APBA1: variants seen among roughly 807,000 people sequenced by gnomAD.
The protein encoded by APBA1 is amyloid beta precursor protein binding family A member 1.
In APBA1, 55 loss-of-function variants were observed where a neutral mutation model predicts 86.6. That is an observed-to-expected ratio of 0.64 (90% CI 0.51 to 0.80). The LOEUF is 0.80. APBA1 is among the 30% of genes least tolerant of loss of function. The pLI, the probability that APBA1 is intolerant of heterozygous loss-of-function variation, is 0.00. For synonymous variants in APBA1, 511 were observed against 493.9 expected, an observed-to-expected ratio of 1.03 and a Z score of -0.46; for missense variants, 1,090 against 1,183.0, an observed-to-expected ratio of 0.92 and a Z score of 1.15.
Position 69,555,945 on chromosome 9 carries a change from T to C in APBA1, c.-69-38666A>G, listed in dbSNP as rs1380541922. Among the ~76,000 whole-genome samples the C allele has an allele frequency of 2.0e-5, 3 of 152,288 alleles. No individual in the cohort carries two copies. In the East Asian group the frequency reaches 5.8e-4, roughly 29 times the overall value. ...TTATCTGTTAAAGTTTGTTTATGAC[T>C]CAGGTGCCTGTTTTAATCTAAACCT... is the stretch of plus-strand genomic sequence containing the variant. On this transcript the variant is annotated intron_variant, in intron 1 of 12. Coordinates refer to ENST00000265381, the MANE Select transcript of APBA1 (RefSeq NM_001163.4).
intron 4 of APBA1, among the ~76,000 whole-genome samples, chr9:69,469,847 T>G (rs1394380576): frequency 6.6e-6 from 1 of 152,272 alleles, no homozygotes; most frequent in Non-Finnish European, 1.5e-5. Flanking sequence ...CAACCAGATA[T>G]GAAGAAGAAC....
chr9:69,456,694 T>TA (rs200676603), intron 7 of APBA1, among the ~76,000 whole-genome samples: 31 of 146,102 alleles, frequency 2.1e-4, no homozygotes, highest in South Asian at 4.4e-4. Flanking sequence ...TGGAGAAGTT[T>TA]AAAAAAAAAA....
At chr9:69,547,290 A>G (rs770189767) in intron 1 of APBA1, among the ~76,000 whole-genome samples, 4 of 152,172 alleles carry the variant, frequency 2.6e-5, no homozygotes, top group Admixed American at 6.5e-5. Context: ...CCATCCTTAG[A>G]GCTTGACTCC....
At chr9:69,546,902 A>T (rs1164309255) in intron 1 of APBA1, among the ~76,000 whole-genome samples, 4 of 152,240 alleles carry the variant, frequency 2.6e-5, no homozygotes, top group Middle Eastern at 3.2e-3. Context: ...AGTTACTGCA[A>T]TGATAAAATG....
At chr9:69,576,089 C>T (rs1222848419) in intron 1 of APBA1, among the ~76,000 whole-genome samples, 6 of 152,102 alleles carry the variant, frequency 3.9e-5, no homozygotes, top group Non-Finnish European at 8.8e-5. Context: ...TTTATGCAGC[C>T]AAAAGACACA....
intron 1 of APBA1, among the ~76,000 whole-genome samples, chr9:69,618,681 T>C (rs925360191): frequency 4.6e-5 from 7 of 152,200 alleles, no homozygotes; most frequent in African/African-American, 1.4e-4. Flanking sequence ...GGAGCCATCA[T>C]GGCTCAGGCC....
chr9:69,560,291 A>G (rs1564077352), intron 1 of APBA1, among the ~76,000 whole-genome samples: 1 of 151,956 alleles, frequency 6.6e-6, no homozygotes, highest in Non-Finnish European at 1.5e-5. Context: ...CAATTTTTCT[A>G]TTTGAGGTTA....
intron 1 of APBA1, among the ~76,000 whole-genome samples, chr9:69,540,675 C>T (rs886503278): frequency 2.6e-5 from 4 of 152,182 alleles, no homozygotes; most frequent in Admixed American, 6.5e-5. Flanking sequence ...TCATAGCTCA[C>T]TGCAGTATTG....
intron 11 of APBA1, among the ~76,000 whole-genome samples, chr9:69,434,067 C>A (rs116032684): frequency 0.017 from 2,644 of 152,270 alleles, 60 homozygotes; most frequent in African/African-American, 0.059. Flanking sequence ...CTGGCTTCGC[C>A]GGAAGGCCAA....
chr9:69,598,607 C>T (rs2133971475), intron 1 of APBA1, among the ~76,000 whole-genome samples: 1 of 152,216 alleles, frequency 6.6e-6, no homozygotes, highest in African/African-American at 2.4e-5. Flanking sequence ...TAGGTCCCTG[C>T]ATCTTGAACA....
chr9:69,468,100 G>T, intron 4 of APBA1, 132 bp from the exon 5 acceptor site: 1 of 1,040,076 alleles, frequency 9.6e-7, no homozygotes, highest in South Asian at 1.5e-5. Flanking sequence ...CTGGTCTGAG[G>T]CATCTCTCTG....
At chr9:69,555,314 T>C (rs935190722) in intron 1 of APBA1, among the ~76,000 whole-genome samples, 2 of 152,196 alleles carry the variant, frequency 1.3e-5, no homozygotes, top group African/African-American at 4.8e-5. Context: ...TGGTGCTAGA[T>C]ACCACACACC....
intron 2 of APBA1, among the ~76,000 whole-genome samples, chr9:69,511,647 A>G (rs1361786718): frequency 6.6e-6 from 1 of 152,036 alleles, no homozygotes; most frequent in East Asian, 1.9e-4. Flanking sequence ...GGCATTATTC[A>G]CAATAGCAAA....
intron 1 of APBA1, among the ~76,000 whole-genome samples, chr9:69,596,580 T>C (rs753110735): frequency 8.5e-5 from 13 of 152,302 alleles, no homozygotes; most frequent in Non-Finnish European, 1.8e-4. Flanking sequence ...ATCACACCCA[T>C]GTTCCGAGCA....
intron 2 of APBA1, among the ~76,000 whole-genome samples, chr9:69,512,283 T>G (rs1269573857): frequency 1.3e-5 from 2 of 152,136 alleles, no homozygotes; most frequent in Non-Finnish European, 1.5e-5. Flanking sequence ...GAGAGAGTGT[T>G]CAGTAAACTC....
intron 1 of APBA1, among the ~76,000 whole-genome samples, chr9:69,612,527 A>G (rs1224799879): frequency 2.0e-5 from 3 of 152,056 alleles, no homozygotes; most frequent in Non-Finnish European, 4.4e-5. Flanking sequence ...TGGGTGTATT[A>G]AACATAAAAA....
intron 1 of APBA1, among the ~76,000 whole-genome samples, chr9:69,633,789 T>C (rs1823098414): frequency 6.6e-6 from 1 of 152,164 alleles, no homozygotes; most frequent in African/African-American, 2.4e-5. Context: ...TTCTCCCTGT[T>C]AGCAACCAAG....
chr9:69,592,607 TAAAG>T (rs570364912), intron 1 of APBA1, among the ~76,000 whole-genome samples: 128 of 152,184 alleles, frequency 8.4e-4, no homozygotes, highest in African/African-American at 2.9e-3. Flanking sequence ...TAAAAATAAA[TAAAG>T]AAATAAATAG....
At chr9:69,576,202 G>C (rs1208878860) in intron 1 of APBA1, among the ~76,000 whole-genome samples, 1 of 152,184 alleles carries the variant, frequency 6.6e-6, no homozygotes, top group East Asian at 1.9e-4. Context: ...AAAATGTCAG[G>C]AAACAATAGG....
Sources: gnomAD v4.1 joint callset for allele counts (sites outside exome capture counted in the v4.1 genomes callset) on GRCh38, gnomAD v4.1.1 for gene constraint, MANE v1.5 for transcripts, NCBI Gene and HGNC (gene_info 2026-07-23, HGNC 2026-07-21) for gene names.